The following ARL14EPL variants were observed in gnomAD, a reference collection of about 807,000 sequenced individuals.
The protein encoded by ARL14EPL is ARF like GTPase 14 effector protein like, also known as ARL14 effector protein-like.
Under a neutral mutation model 15.9 loss-of-function variants are expected in ARL14EPL, and 17 were observed. The observed-to-expected ratio is 1.07, with a 90% confidence interval of 0.73 to 1.60. The LOEUF (loss-of-function observed/expected upper bound fraction) is 1.60. Among genes scored for constraint, ARL14EPL ranks in the 40% most tolerant of loss-of-function variants. The pLI, the probability that ARL14EPL is intolerant of heterozygous loss-of-function variation, is 0.00. For synonymous variants in ARL14EPL, 78 were observed against 63.8 expected (o/e 1.22, Z -1.06); for missense variants, 214 against 185.9 (o/e 1.15, Z -0.88).
At chr5:116,041,519 C>T (rs1749157873) in intron 1 of ARL14EPL, among the ~76,000 whole-genome samples, 1 of 152,168 alleles carries the variant, frequency 6.6e-6, no homozygotes, top group African/African-American at 2.4e-5. Flanking sequence ...TTACTCTCCT[C>T]TCTGTTGACT....
chr5:116,048,773 C>A (rs995395865), intron 1 of ARL14EPL, among the ~76,000 whole-genome samples: 2 of 152,000 alleles, frequency 1.3e-5, no homozygotes, highest in Middle Eastern at 3.4e-3. Context: ...TTAGAGATGG[C>A]TATGATGAAC....
intron 1 of ARL14EPL, among the ~76,000 whole-genome samples, chr5:116,036,275 A>G (rs1749048361): frequency 6.6e-6 from 1 of 152,172 alleles, no homozygotes; most frequent in African/African-American, 2.4e-5. Context: ...GACATGGTTA[A>G]GATACCATTA....
At chr5:116,032,882 C>A (rs2662451) in intron 1 of ARL14EPL, among the ~76,000 whole-genome samples, 1 of 151,870 alleles carries the variant, frequency 6.6e-6, no homozygotes, top group Admixed American at 6.6e-5. Context: ...GCCGCAGCCT[C>A]GACTTCCTGG....
chr5:116,055,959 C>T (rs1749506974), intron 3 of ARL14EPL, among the ~76,000 whole-genome samples: 1 of 152,136 alleles, frequency 6.6e-6, no homozygotes, highest in Non-Finnish European at 1.5e-5. Flanking sequence ...CATCCATGTC[C>T]CTACAAAGGA....
intron 1 of ARL14EPL, among the ~76,000 whole-genome samples, chr5:116,045,055 T>A (rs1225397402): frequency 6.6e-6 from 1 of 152,152 alleles, no homozygotes; most frequent in African/African-American, 2.4e-5. Context: ...AAGGCGCACC[T>A]TTACAAATGA....
chr5:116,038,544 G>A lies in ARL14EPL; in HGVS notation c.-10+6039G>A, dbSNP rs76348722. On this transcript the variant is annotated intron_variant, in intron 1 of 3. Coordinates refer to ENST00000686077, the MANE Select transcript of ARL14EPL (RefSeq NM_001195581.2). ...TGTCATGCAAGGCCTAAAATATCAT[G>A]CTGAGGACCACAAAGGACCACAAAG... is the stretch of plus-strand genomic sequence containing the variant. Among the ~76,000 whole-genome samples the A allele has an allele frequency of 6.9e-3, 1,044 of 152,252 alleles. 5 individuals are homozygous for A. Among genetic ancestry groups the A allele is most frequent in the South Asian group, 0.04 (191 of 4,820 alleles).
At chr5:116,053,573 G>T (rs1046222592) in intron 2 of ARL14EPL, among the ~76,000 whole-genome samples, 1 of 152,116 alleles carries the variant, frequency 6.6e-6, no homozygotes, top group African/African-American at 2.4e-5. Flanking sequence ...GGGCACTGAA[G>T]GGGAGTGCCG....
chr5:116,039,725 A>T (rs1353714471), intron 1 of ARL14EPL, among the ~76,000 whole-genome samples: 3 of 152,222 alleles, frequency 2.0e-5, no homozygotes, highest in Non-Finnish European at 4.4e-5. Flanking sequence ...CTTTGAGAAG[A>T]TGAGAAATCT....
chr5:116,039,808 T>C lies in ARL14EPL; in HGVS notation c.-10+7303T>C, dbSNP rs78605537. Among the ~76,000 whole-genome samples, 1,061 of 152,300 alleles carry C rather than the reference T, an allele frequency of 7.0e-3. 6 individuals are homozygous for C. Among genetic ancestry groups the C allele is most frequent in the South Asian group, 0.04 (195 of 4,820 alleles). On this transcript the variant is annotated intron_variant, in intron 1 of 3. Coordinates refer to ENST00000686077, the MANE Select transcript of ARL14EPL (RefSeq NM_001195581.2). The stretch of plus-strand genomic sequence containing the variant: ...TTACAGATGCTGCAGACATCAATGA[T>C]AACATGATGATATAATGAACAAATT...
chr5:116,051,556 C>A lies in ARL14EPL; in HGVS notation c.91C>A (p.Gln31Lys). Residue 31 changes from glutamine to lysine, a missense_variant, in exon 2 of 4, where the codon CAA becomes AAA. Transcript: ENST00000686077. ...GAAGAACTGTCAAATTGGACAGAAA[C>A]AACTGGTATGGCACACAGATTCTAT... is the stretch of plus-strand genomic sequence containing the variant. Reference protein sequence around the residue: ...PEKNCQIGQKQLQQIERQLKC... With the variant: ...PEKNCQIGQKKLQQIERQLKC... 1 of 1,528,880 alleles carries A rather than the reference C, an allele frequency of 6.5e-7. No individual in the cohort carries two copies. Among genetic ancestry groups the A allele is most frequent in the South Asian group, 1.2e-5 (1 of 83,864 alleles). 94.7% of individuals were successfully genotyped at this position (1,528,880 alleles called of 1,614,324 possible).
At chr5:116,036,953 A>G (rs917671783) in intron 1 of ARL14EPL, among the ~76,000 whole-genome samples, 1 of 150,294 alleles carries the variant, frequency 6.7e-6, no homozygotes, top group Non-Finnish European at 1.5e-5. Context: ...TGCTTTTTAT[A>G]TGTTTTTCCA....
chr5:116,039,763 A>G (rs1366205), intron 1 of ARL14EPL, among the ~76,000 whole-genome samples: 1 of 151,950 alleles, frequency 6.6e-6, no homozygotes, highest in Non-Finnish European at 1.5e-5. Flanking sequence ...AATAAACAGT[A>G]TTATGAATAC....
chr5:116,046,235 GA>G (rs1361873684), intron 1 of ARL14EPL, among the ~76,000 whole-genome samples: 1 of 152,154 alleles, frequency 6.6e-6, no homozygotes, highest in African/African-American at 2.4e-5. Context: ...TAGTGTCCCT[GA>G]ATAAGTGGCA....
intron 2 of ARL14EPL, among the ~76,000 whole-genome samples, chr5:116,053,075 T>G (rs1749425705): frequency 6.6e-6 from 1 of 152,200 alleles, no homozygotes; most frequent in Non-Finnish European, 1.5e-5. Flanking sequence ...CTAATTACAG[T>G]GGCTCACACC....
intron 2 of ARL14EPL, chr5:116,052,394 C>T (rs2560698): frequency 0.77 from 536,906 of 698,110 alleles, 208,950 homozygotes; most frequent in Non-Finnish European, 0.82. Flanking sequence ...TATTATGTCA[C>T]GTTATGGCTC....
intron 2 of ARL14EPL, among the ~76,000 whole-genome samples, chr5:116,052,696 C>A (rs1238433599): frequency 6.6e-6 from 1 of 152,186 alleles, no homozygotes; most frequent in African/African-American, 2.4e-5. Flanking sequence ...ACCATATACA[C>A]CAAGATGAAA....
rs1301592339 is a variant in ARL14EPL, at chr5:116,054,134, T to C, written c.217T>C (p.Tyr73His). 3 of 1,535,376 alleles carry C rather than the reference T, an allele frequency of 2.0e-6. No homozygotes were observed. Among genetic ancestry groups the C allele is most frequent in the South Asian group, 1.2e-5 (1 of 83,924 alleles). Residue 73 changes from tyrosine (Y) to histidine (H), a missense_variant, in exon 3 of 4, where the codon TAT (tyrosine) becomes CAT (histidine). Tyr to His is a moderately conservative substitution (Grantham distance 83). Coordinates refer to ENST00000686077, the MANE Select transcript of ARL14EPL (RefSeq NM_001195581.2). ...KKARMSKMNE[Y>H]FSTKYKIMRK... ...AGCCCGGATGTCAAAGATGAATGAA[T>C]ATTTTTCTACCAAATACAAGTAAGA...
At chr5:116,038,989 T>A (rs575121798) in intron 1 of ARL14EPL, among the ~76,000 whole-genome samples, 10 of 151,954 alleles carry the variant, frequency 6.6e-5, no homozygotes, top group African/African-American at 2.4e-4. Context: ...GCGGAGGAAA[T>A]GAAGCAGAAT....
Position 116,053,051 on chromosome 5 carries a change from G to A in ARL14EPL, c.97-963G>A, listed in dbSNP as rs112422850. Among the ~76,000 whole-genome samples the A allele has an allele frequency of 4.4e-3, 670 of 152,158 alleles. 2 individuals carry two copies. Among genetic ancestry groups the A allele is most frequent in the Non-Finnish European group, 8.1e-3 (548 of 68,012 alleles). On this transcript the variant is annotated intron_variant, in intron 2 of 3. Coordinates refer to ENST00000686077, the MANE Select transcript of ARL14EPL (RefSeq NM_001195581.2). ...AATTTCTAATTGTCTTTCAGCTCAG[G>A]CCCCATCTAATTTCTAATTACAGTG...
Sources: allele counts gnomAD v4.1 joint callset (sites outside exome capture counted in the v4.1 genomes callset), GRCh38; gene constraint gnomAD v4.1.1; transcripts MANE v1.5; gene names NCBI Gene and HGNC (gene_info 2026-07-23, HGNC 2026-07-21).